The following AHRR variants were observed in gnomAD, a reference collection of about 807,000 sequenced individuals.
The protein encoded by AHRR is aryl hydrocarbon receptor repressor.
In AHRR, 28 loss-of-function variants were observed where a neutral mutation model predicts 44.0. That is an observed-to-expected ratio of 0.64 (90% CI 0.47 to 0.87). The LOEUF (loss-of-function observed/expected upper bound fraction) is 0.87, where lower values mean the gene tolerates loss of function less well. Among genes scored for constraint, AHRR ranks in the 40% least tolerant of loss-of-function variants. The pLI is 0.00. For synonymous variants in AHRR, 434 were observed against 407.0 expected, an observed-to-expected ratio of 1.07 and a Z score of -0.80; for missense variants, 990 against 953.9, an observed-to-expected ratio of 1.04 and a Z score of -0.50.
At chr5:328,048 C>T (rs964553065) in intron 1 of AHRR, among the ~76,000 whole-genome samples, 1 of 151,844 alleles carries the variant, frequency 6.6e-6, no homozygotes, top group Non-Finnish European at 1.5e-5. Flanking sequence ...GTTTTTTTGT[C>T]CTTGTGATAG....
chr5:421,304 T>A, intron 5 of AHRR: 1 of 697,230 alleles, frequency 1.4e-6, no homozygotes, highest in Non-Finnish European at 2.6e-6. Flanking sequence ...GCGCTGCAGG[T>A]GCCCCCACGG....
chr5:397,622 T>C (rs1456476076), intron 4 of AHRR, among the ~76,000 whole-genome samples: 3 of 71,280 alleles, frequency 4.2e-5, no homozygotes, highest in African/African-American at 2.1e-4. Flanking sequence ...TGACCATCCA[T>C]GTTAGCCCCT....
chr5:396,433 T>C (rs1484555261), intron 4 of AHRR, among the ~76,000 whole-genome samples: 1 of 152,180 alleles, frequency 6.6e-6, no homozygotes, highest in Admixed American at 6.5e-5. Context: ...CACCCTGGCA[T>C]ACGCCGGCCA....
intron 3 of AHRR, among the ~76,000 whole-genome samples, chr5:364,816 G>A (rs931094455): frequency 1.3e-5 from 2 of 152,032 alleles, no homozygotes; most frequent in Admixed American, 1.3e-4. Flanking sequence ...GTATACTGGG[G>A]AAATATAACT....
At chr5:376,561 GC>G in intron 3 of AHRR, 48 bp from the exon 4 acceptor site, 2 of 1,479,908 alleles carry the variant, frequency 1.4e-6, no homozygotes, top group Non-Finnish European at 9.1e-7. Flanking sequence ...AAGAAGAGTG[GC>G]CAGGCCAAGG....
rs928956876 is a variant in AHRR at position 405,264 on chromosome 5, G to A, written c.352-8080G>A. On this transcript the variant is annotated intron_variant, in intron 4 of 10. Coordinates refer to ENST00000684583, the MANE Select transcript of AHRR (RefSeq NM_001377236.1). The surrounding 1 kb of genome is among the most constrained non-coding windows in gnomAD (Gnocchi z 4.5). ...CTCGGAGCTGCACGGGAATGAAAAT[G>A]TACAAATACCATGGTTCATGGTAGC... Among the ~76,000 whole-genome samples, 8 of 152,118 alleles carry A rather than the reference G, an allele frequency of 5.3e-5. No individual in the cohort carries two copies. Among genetic ancestry groups the A allele is most frequent in the African/African-American group, 1.9e-4 (8 of 41,426 alleles).
At chr5:364,443 T>A (rs998080735) in intron 3 of AHRR, among the ~76,000 whole-genome samples, 40 of 152,204 alleles carry the variant, frequency 2.6e-4, no homozygotes, top group Admixed American at 3.3e-4. Flanking sequence ...AAGAGGGTGA[T>A]GAGTTAAAAA....
chr5:420,172 C>A (rs1452927449), intron 5 of AHRR, among the ~76,000 whole-genome samples: 1 of 152,190 alleles, frequency 6.6e-6, no homozygotes, highest in Non-Finnish European at 1.5e-5. Flanking sequence ...GCGAAATGTT[C>A]CAGTATCCAG....
intron 2 of AHRR, among the ~76,000 whole-genome samples, chr5:353,392 T>G (rs1742926709): frequency 6.6e-6 from 1 of 152,100 alleles, no homozygotes; most frequent in Admixed American, 6.5e-5. Context: ...GGCGTCCTCC[T>G]CCCTCCTCAG....
chr5:378,729 C>T (rs1733851037), intron 4 of AHRR, among the ~76,000 whole-genome samples: 1 of 152,160 alleles, frequency 6.6e-6, no homozygotes, highest in Admixed American at 6.5e-5. Flanking sequence ...CCTGAGCTCC[C>T]TGCACAATAC....
intron 1 of AHRR, among the ~76,000 whole-genome samples, chr5:327,595 A>G (rs1293494023): frequency 1.3e-5 from 2 of 152,176 alleles, no homozygotes; most frequent in Admixed American, 1.3e-4. Context: ...TTGTGTATAT[A>G]TACCACATTT....
At chr5:327,697 C>T (rs927130553) in intron 1 of AHRR, among the ~76,000 whole-genome samples, 2 of 152,148 alleles carry the variant, frequency 1.3e-5, no homozygotes, top group Non-Finnish European at 2.9e-5. Flanking sequence ...GTGCAGGCGT[C>T]TTTTTGATAT....
intron 8 of AHRR, chr5:431,921 C>G (rs1736751824): frequency 6.4e-6 from 1 of 156,016 alleles, no homozygotes; most frequent in Non-Finnish European, 1.4e-5. Context: ...GGTTTGAACT[C>G]AACTCTGGGA....
At chr5:430,407 C>T (rs1482124936) in intron 8 of AHRR, among the ~76,000 whole-genome samples, 2 of 152,262 alleles carry the variant, frequency 1.3e-5, no homozygotes, top group Admixed American at 6.5e-5. Context: ...CCCCGTCACA[C>T]GCCTGCTGGC....
At chr5:323,167 A>G (rs944198183) in intron 1 of AHRR, among the ~76,000 whole-genome samples, 4 of 152,134 alleles carry the variant, frequency 2.6e-5, no homozygotes, top group Admixed American at 2.6e-4. Context: ...CCAATTACCT[A>G]TGAGGCAGCT....
At chr5:378,646 TG>T (rs1310287622) in intron 4 of AHRR, among the ~76,000 whole-genome samples, 2 of 151,190 alleles carry the variant, frequency 1.3e-5, no homozygotes, top group Non-Finnish European at 2.9e-5. Context: ...GATGGAGGAG[TG>T]GGGAGAGGTG....
chr5:364,175 T>A (rs1743276023), intron 3 of AHRR, among the ~76,000 whole-genome samples: 1 of 152,204 alleles, frequency 6.6e-6, no homozygotes, highest in African/African-American at 2.4e-5. Context: ...AATTAAGGAA[T>A]AATCAGAGAC....
At chr5:401,617 G>C (rs562992349) in intron 4 of AHRR, among the ~76,000 whole-genome samples, 2 of 152,182 alleles carry the variant, frequency 1.3e-5, no homozygotes, top group African/African-American at 4.8e-5. Flanking sequence ...AGGCGGATGC[G>C]GCGGCGAAAG....
intron 4 of AHRR, among the ~76,000 whole-genome samples, chr5:401,819 T>C (rs892288412): frequency 1.3e-5 from 2 of 152,202 alleles, no homozygotes; most frequent in Non-Finnish European, 2.9e-5. Context: ...ACAGCAGCCA[T>C]GTTCCCAACC....
Sources: allele counts gnomAD v4.1 joint callset (sites outside exome capture counted in the v4.1 genomes callset), GRCh38; gene constraint gnomAD v4.1.1; non-coding constraint Gnocchi (gnomAD v3.1); transcripts MANE v1.5; gene names NCBI Gene and HGNC (gene_info 2026-07-23, HGNC 2026-07-21).